Variants in PLD5 observed in about 807,000 individuals in gnomAD.
PLD5 encodes the protein inactive phospholipase D5.
Under a neutral mutation model 61.1 loss-of-function variants are expected in PLD5, and 36 were observed. The observed-to-expected ratio is 0.59, with a 90% CI of 0.45 to 0.78. PLD5 has a LOEUF of 0.78. Ranked by LOEUF, PLD5 falls within the 30% of genes least tolerant of loss-of-function variation. The pLI is 0.00. For missense variants in PLD5, 515 were observed against 644.4 expected (o/e 0.80, Z 2.17); for synonymous variants, 243 against 242.8 (o/e 1.00, Z -0.01).
chr1:242,412,888 GA>G (rs1451038010), intron 1 of PLD5, among the ~76,000 whole-genome samples: 2 of 152,180 alleles, frequency 1.3e-5, no homozygotes, highest in Non-Finnish European at 2.9e-5. Context: ...AAGAAATTAC[GA>G]AACCACTTTC....
At chr1:242,475,861 C>G (rs953899899) in intron 1 of PLD5, among the ~76,000 whole-genome samples, 2 of 152,052 alleles carry the variant, frequency 1.3e-5, no homozygotes, top group African/African-American at 4.8e-5. Context: ...AGAAGAGGCA[C>G]GGGGAGGGTG....
intron 1 of PLD5, among the ~76,000 whole-genome samples, chr1:242,403,527 C>T (rs1359531068): frequency 2.6e-5 from 4 of 151,158 alleles, no homozygotes; most frequent in Non-Finnish European, 2.9e-5. Context: ...TGCAATGGCA[C>T]GATCTTGGCT....
chr1:242,351,650 G>C (rs569981831), intron 1 of PLD5, among the ~76,000 whole-genome samples: 1 of 152,050 alleles, frequency 6.6e-6, no homozygotes, highest in East Asian at 1.9e-4. Flanking sequence ...ACCCAGTCTC[G>C]GGTATGTCTT....
intron 1 of PLD5, among the ~76,000 whole-genome samples, chr1:242,354,443 A>T (rs372938363): frequency 6.6e-6 from 1 of 152,120 alleles, no homozygotes; most frequent in East Asian, 1.9e-4. Flanking sequence ...CTCTTCAAGG[A>T]GAAGTACCAT....
intron 2 of PLD5, among the ~76,000 whole-genome samples, chr1:242,304,534 G>C (rs888879003): frequency 2.0e-5 from 3 of 152,198 alleles, no homozygotes; most frequent in Non-Finnish European, 4.4e-5. Context: ...TATAAGTTCT[G>C]CAAGTTGATT....
At chr1:242,470,185 C>CA (rs567246005) in intron 1 of PLD5, among the ~76,000 whole-genome samples, 332 of 151,434 alleles carry the variant, frequency 2.2e-3, no homozygotes, top group African/African-American at 6.9e-3. Context: ...ACTAAAAATA[C>CA]AAAAAAAATT....
At chr1:242,328,610 G>C (rs1302793674) in intron 2 of PLD5, among the ~76,000 whole-genome samples, 1 of 152,188 alleles carries the variant, frequency 6.6e-6, no homozygotes, top group Non-Finnish European at 1.5e-5. Flanking sequence ...ACAGTGATGA[G>C]TTGTAGTTTG....
chr1:242,353,226 T>C (rs1660573065), intron 1 of PLD5, among the ~76,000 whole-genome samples: 1 of 152,212 alleles, frequency 6.6e-6, no homozygotes, highest in Admixed American at 6.5e-5. Flanking sequence ...AGTGTATTTC[T>C]TTTGCATATG....
Position 242,220,176 on chromosome 1 carries a change from CA to C in PLD5, c.608-62del, listed in dbSNP as rs2149007501. ...TCAAGGCCCTGCCTGGGCTGTCAGT[CA>C]CCTACCAGTGGAAATATTCATGGTT... On this transcript the variant is annotated intron_variant, in intron 4 of 9. Transcript: ENST00000536534. 15 of 1,580,160 alleles carry C rather than the reference CA, an allele frequency of 9.5e-6. No homozygotes were observed. In the South Asian group the frequency reaches 1.6e-4, roughly 17 times the overall value.
chr1:242,351,196 C>T (rs112977047), intron 1 of PLD5, among the ~76,000 whole-genome samples: 4 of 152,256 alleles, frequency 2.6e-5, no homozygotes, highest in African/African-American at 7.2e-5. Context: ...CAACCGCGCC[C>T]GGCCCTGTTT....
chr1:242,409,076 G>T (rs75656491), intron 1 of PLD5, among the ~76,000 whole-genome samples: 38 of 111,468 alleles, frequency 3.4e-4, no homozygotes, highest in African/African-American at 1.6e-3. Flanking sequence ...AAAAAAAAAA[G>T]AAAAGAAAAG....
intron 2 of PLD5, among the ~76,000 whole-genome samples, chr1:242,311,904 T>C (rs1477964002): frequency 1.0e-5 from 1 of 98,768 alleles, no homozygotes; most frequent in Non-Finnish European, 2.0e-5. Context: ...TTTGTTATTC[T>C]CTTTTCTTTT....
chr1:242,237,266 C>T (rs964813933), intron 4 of PLD5, among the ~76,000 whole-genome samples: 2 of 151,418 alleles, frequency 1.3e-5, no homozygotes, highest in African/African-American at 4.9e-5. Flanking sequence ...GTAAGATTAA[C>T]ATGAGTTAAT....
intron 1 of PLD5, among the ~76,000 whole-genome samples, chr1:242,415,748 C>T (rs1423594881): frequency 1.3e-5 from 2 of 152,068 alleles, no homozygotes; most frequent in African/African-American, 4.8e-5. Context: ...CTCCTGACCT[C>T]GTGATCTGCC....
chr1:242,142,854 G>A (rs1664275398), intron 5 of PLD5, among the ~76,000 whole-genome samples: 2 of 151,928 alleles, frequency 1.3e-5, no homozygotes, highest in Non-Finnish European at 2.9e-5. Flanking sequence ...AGCCTCTCAA[G>A]TAGCTGGAAT....
intron 1 of PLD5, among the ~76,000 whole-genome samples, chr1:242,484,523 C>A (rs374474972): frequency 6.6e-6 from 1 of 150,964 alleles, no homozygotes; most frequent in East Asian, 1.9e-4. Flanking sequence ...AAGTTGAATC[C>A]CTGAATAGAC....
intron 1 of PLD5, among the ~76,000 whole-genome samples, chr1:242,502,051 A>T (rs1186151305): frequency 6.6e-6 from 1 of 152,086 alleles, no homozygotes; most frequent in East Asian, 1.9e-4. Flanking sequence ...TGTTAATCTT[A>T]TCTACTCTTA....
intron 2 of PLD5, among the ~76,000 whole-genome samples, chr1:242,313,886 G>T (rs1207844386): frequency 6.6e-6 from 1 of 152,048 alleles, no homozygotes; most frequent in East Asian, 1.9e-4. Flanking sequence ...CCATTGCAGG[G>T]TTTTCAAGGT....
chr1:242,376,730 T>G (rs1330704500), intron 1 of PLD5, among the ~76,000 whole-genome samples: 1 of 152,200 alleles, frequency 6.6e-6, no homozygotes, highest in Non-Finnish European at 1.5e-5. Context: ...CAAACTCTTT[T>G]AAACGCAAAT....
Sources: gnomAD v4.1 joint callset for allele counts (sites outside exome capture counted in the v4.1 genomes callset) on GRCh38, gnomAD v4.1.1 for gene constraint, MANE v1.5 for transcripts, NCBI Gene and HGNC (gene_info 2026-07-23, HGNC 2026-07-21) for gene names.